PALM2AKAP2: variants seen among roughly 807,000 people sequenced by gnomAD.
PALM2AKAP2 encodes the protein PALM2 and AKAP2 fusion, also known as PALM2-AKAP2 fusion protein.
A neutral mutation model predicts 71.5 loss-of-function variants in PALM2AKAP2; 37 were observed. That is an observed-to-expected ratio of 0.52 (90% CI 0.40 to 0.68). The LOEUF is 0.68. PALM2AKAP2 is among the 30% of genes least tolerant of loss of function. The pLI is 0.00. For missense variants in PALM2AKAP2, 1,224 were observed against 1,191.8 expected, an observed-to-expected ratio of 1.03 and a Z score of -0.40; for synonymous variants, 468 against 478.8, an observed-to-expected ratio of 0.98 and a Z score of 0.29.
At chr9:110,044,528 T>G (rs902541005), upstream of PALM2AKAP2, among the ~76,000 whole-genome samples, 2 of 151,644 alleles carry the variant, frequency 1.3e-5, no homozygotes, top group African/African-American at 4.8e-5. Flanking sequence ...ATTTTTGTAT[T>G]TTTAGTAGAG....
At chr9:110,026,627 C>A (rs1169469407) in intron 7 of PALM2AKAP2, among the ~76,000 whole-genome samples, 1 of 152,154 alleles carries the variant, frequency 6.6e-6, no homozygotes, top group Non-Finnish European at 1.5e-5. Context: ...CATTAAATAC[C>A]AGCCCCCCAT....
chr9:110,026,910 G>A (rs1028539432), intron 7 of PALM2AKAP2, among the ~76,000 whole-genome samples: 1 of 152,086 alleles, frequency 6.6e-6, no homozygotes, highest in Non-Finnish European at 1.5e-5. Flanking sequence ...GGGTGTGGTG[G>A]CACACACCTG....
intron 1 of PALM2AKAP2, among the ~76,000 whole-genome samples, chr9:109,661,290 G>A (rs1002376695): frequency 6.6e-6 from 1 of 152,166 alleles, no homozygotes; most frequent in Non-Finnish European, 1.5e-5. Context: ...GGTTTTCATG[G>A]TTTTAGGTCT....
At chr9:109,726,835 A>G (rs562849088) in intron 1 of PALM2AKAP2, among the ~76,000 whole-genome samples, 5 of 152,264 alleles carry the variant, frequency 3.3e-5, no homozygotes, top group African/African-American at 4.8e-5. Flanking sequence ...AATAAAATTT[A>G]AATTCAGTTT....
intron 1 of PALM2AKAP2, among the ~76,000 whole-genome samples, chr9:110,110,200 G>A (rs1835214418): frequency 1.3e-5 from 2 of 152,170 alleles, no homozygotes; most frequent in South Asian, 2.1e-4. Flanking sequence ...TACCATAAAT[G>A]TATACACTTC....
chr9:109,914,963 T>C (rs895122630), intron 3 of PALM2AKAP2, among the ~76,000 whole-genome samples: 12 of 152,250 alleles, frequency 7.9e-5, no homozygotes, highest in Non-Finnish European at 1.6e-4. Flanking sequence ...AGGAGTCCTC[T>C]TTCCCCTTGG....
At chr9:109,868,313 C>T (rs1336907727) in intron 2 of PALM2AKAP2, among the ~76,000 whole-genome samples, 2 of 152,236 alleles carry the variant, frequency 1.3e-5, no homozygotes, top group African/African-American at 4.8e-5. Flanking sequence ...CCACTGGTTG[C>T]AGAATGTTGC....
At chr9:109,744,553 A>G (rs931485877) in intron 1 of PALM2AKAP2, among the ~76,000 whole-genome samples, 1 of 152,322 alleles carries the variant, frequency 6.6e-6, no homozygotes, top group East Asian at 1.9e-4. Context: ...TTATGATTTC[A>G]TAAATGTTTG....
At chr9:109,696,843 G>A (rs573206953) in intron 1 of PALM2AKAP2, among the ~76,000 whole-genome samples, 4 of 152,092 alleles carry the variant, frequency 2.6e-5, no homozygotes, top group African/African-American at 4.8e-5. Flanking sequence ...TTATCCAGAC[G>A]ACCATTTCTT....
intron 1 of PALM2AKAP2, among the ~76,000 whole-genome samples, chr9:109,767,224 T>A (rs954711022): frequency 2.6e-5 from 4 of 152,172 alleles, no homozygotes; most frequent in African/African-American, 9.7e-5. Flanking sequence ...CAGCTGACTT[T>A]GGATTTTTGT....
intron 1 of PALM2AKAP2, among the ~76,000 whole-genome samples, chr9:109,690,818 A>G (rs1827871752): frequency 6.6e-6 from 1 of 152,182 alleles, no homozygotes; most frequent in Admixed American, 6.5e-5. Context: ...CTATACCTTT[A>G]AAGATGAAAC....
chr9:109,738,510 A>G (rs1297630615), intron 1 of PALM2AKAP2, among the ~76,000 whole-genome samples: 1 of 152,258 alleles, frequency 6.6e-6, no homozygotes, highest in Non-Finnish European at 1.5e-5. Flanking sequence ...AGATCAATAT[A>G]AAAACGTCTA....
chr9:109,740,324 T>G (rs1828698889), intron 1 of PALM2AKAP2, among the ~76,000 whole-genome samples: 1 of 152,182 alleles, frequency 6.6e-6, no homozygotes, highest in Admixed American at 6.5e-5. Flanking sequence ...TGTTGATGAG[T>G]ACTATAGCAA....
intron 1 of PALM2AKAP2, among the ~76,000 whole-genome samples, chr9:109,825,344 A>G (rs892456641): frequency 6.6e-6 from 1 of 152,246 alleles, no homozygotes; most frequent in Non-Finnish European, 1.5e-5. Context: ...AATGGCAACA[A>G]AAGCCAAAAT....
At chr9:110,125,443 T>A (rs888876882) in intron 1 of PALM2AKAP2, 1 of 948,462 alleles carries the variant, frequency 1.1e-6, no homozygotes, top group African/African-American at 1.8e-5. Context: ...GAATGGCCTT[T>A]TAGGGAGCAG....
chr9:110,011,014 A>AATATATATATAT (rs1554737804), intron 6 of PALM2AKAP2, among the ~76,000 whole-genome samples: 106 of 69,530 alleles, frequency 1.5e-3, no homozygotes, highest in South Asian at 4.2e-3. Context: ...AAAAAAAAAA[A>AATATATATATAT]ATATATATAT....
chr9:109,663,266 T>C (rs1384551222), intron 1 of PALM2AKAP2, among the ~76,000 whole-genome samples: 1 of 152,226 alleles, frequency 6.6e-6, no homozygotes, highest in African/African-American at 2.4e-5. Context: ...CTAGTTCTTT[T>C]AATTGTGATG....
intron 1 of PALM2AKAP2, among the ~76,000 whole-genome samples, chr9:110,054,399 C>CAA (rs56187296): frequency 1.9e-4 from 26 of 139,280 alleles, no homozygotes; most frequent in African/African-American, 6.7e-4. Context: ...AACTCTGTTT[C>CAA]AAAAAAAAAA....
At chr9:109,944,396 A>G (rs1017065681) in intron 6 of PALM2AKAP2, 2 of 152,078 alleles carry the variant, frequency 1.3e-5, no homozygotes, top group African/African-American at 2.4e-5. Flanking sequence ...CCAACCTACA[A>G]TGGTTGCCAT....
Sources: gnomAD v4.1 joint callset for allele counts (sites outside exome capture counted in the v4.1 genomes callset) on GRCh38, gnomAD v4.1.1 for gene constraint, MANE v1.5 for transcripts, NCBI Gene and HGNC (gene_info 2026-07-23, HGNC 2026-07-21) for gene names.